Variants in FHIP2A observed in about 807,000 individuals in gnomAD.
FHIP2A encodes family with sequence similarity 160 member B1.
A neutral mutation model predicts 93.5 loss-of-function variants in FHIP2A; 46 were observed. That is an observed-to-expected ratio of 0.49 (90% CI 0.39 to 0.63). The LOEUF (loss-of-function observed/expected upper bound fraction) is 0.63, where lower values mean the gene tolerates loss of function less well. FHIP2A is among the 20% of genes least tolerant of loss of function. FHIP2A has a pLI of 0.00. For missense variants in FHIP2A, 769 were observed against 909.7 expected (o/e 0.85, Z 1.99); for synonymous variants, 332 against 326.5 (o/e 1.02, Z -0.18).
At position 114,861,220 on chromosome 10, in the gene FHIP2A, C is replaced by G. The variant is rs762946677; in HGVS notation, c.2089-11C>G. On this transcript the variant is annotated splice_polypyrimidine_tract_variant and intron_variant, in intron 15 of 16. Coordinates refer to ENST00000369248, the MANE Select transcript of FHIP2A (RefSeq NM_020940.4). Reference sequence around the variant, plus strand: ...TTTCAGGAACTGAAGTGCCTTGCCTCTGTGATGCAGGTTGTTGGAGACCTT... The same window carrying G: ...TTTCAGGAACTGAAGTGCCTTGCCTGTGTGATGCAGGTTGTTGGAGACCTT... The G allele has an allele frequency of 9.3e-6, 15 of 1,613,686 alleles. No homozygotes were observed. The highest frequency in any genetic ancestry group is 1.3e-5 in the Non-Finnish European group (15 of 1,179,916).
chr10:114,849,088 G>T (rs1045112915), intron 13 of FHIP2A, among the ~76,000 whole-genome samples: 3 of 131,740 alleles, frequency 2.3e-5, no homozygotes, highest in Non-Finnish European at 4.6e-5. Context: ...GTTGCAGTGA[G>T]CCAAGATCGT....
intron 7 of FHIP2A, among the ~76,000 whole-genome samples, chr10:114,844,331 C>T (rs1484558488): frequency 6.6e-6 from 1 of 152,172 alleles, no homozygotes; most frequent in Non-Finnish European, 1.5e-5. Context: ...CTCATTCTTT[C>T]ACCTCTTCTT....
In FHIP2A at chr10:114,848,681, T is replaced by A; in HGVS notation, c.1747T>A (p.Ser583Thr). ...TCTGGTACCGGATGACGCAAAATCC[T>A]CCTACCATGTTGAGGGCACAGGATA... The part of the protein sequence containing the change: ...LCLVPDDAKS[S>T]YHVEGTGYDT... The change falls in exon 13 of 17, where the codon TCC becomes ACC. Residue 583 changes from serine to threonine, a missense_variant. Physicochemically the swap from Ser to Thr is moderately conservative, Grantham distance 58. Transcript: ENST00000369248. 1 of 1,608,992 alleles carries A rather than the reference T, an allele frequency of 6.2e-7. No individual in the cohort carries two copies. The highest frequency in any genetic ancestry group is 8.5e-7 in the Non-Finnish European group (1 of 1,177,150).
At chr10:114,829,118 T>C (rs2083593721) in intron 1 of FHIP2A, among the ~76,000 whole-genome samples, 1 of 152,118 alleles carries the variant, frequency 6.6e-6, no homozygotes, top group Admixed American at 6.5e-5. Flanking sequence ...TCTATGAAAA[T>C]GGACTCTGGA....
downstream of FHIP2A, chr10:114,864,820 C>T (rs577070613): frequency 5.7e-6 from 2 of 353,650 alleles, no homozygotes; most frequent in Non-Finnish European, 7.9e-6. Flanking sequence ...AGGGATATGG[C>T]ACCCTACAAT....
intron 16 of FHIP2A, among the ~76,000 whole-genome samples, chr10:114,894,987 TA>T (rs1213668477): frequency 1.3e-5 from 2 of 152,240 alleles, no homozygotes; most frequent in Non-Finnish European, 2.9e-5. Flanking sequence ...GGATACACTG[TA>T]GCCTGCTGTT....
At chr10:114,832,454 A>G (rs954754878) in intron 2 of FHIP2A, among the ~76,000 whole-genome samples, 9 of 152,208 alleles carry the variant, frequency 5.9e-5, no homozygotes, top group Non-Finnish European at 1.3e-4. Context: ...AATCCAAAAC[A>G]GAATCTGTCC....
intron 14 of FHIP2A, among the ~76,000 whole-genome samples, chr10:114,856,521 C>T (rs2083768101): frequency 6.6e-6 from 1 of 152,110 alleles, no homozygotes; most frequent in South Asian, 2.1e-4. Flanking sequence ...TTAAATCAAG[C>T]TTGTTGCTTG....
chr10:114,854,247 C>T (rs1035293413), intron 13 of FHIP2A, among the ~76,000 whole-genome samples: 1 of 151,490 alleles, frequency 6.6e-6, no homozygotes, highest in Non-Finnish European at 1.5e-5. Context: ...AATCCCAGCA[C>T]TTTGGGAGGC....
rs546345975 is a variant in FHIP2A, at chr10:114,846,444, T to G, written c.1398+77T>G. 767 of 1,461,282 alleles carry G rather than the reference T, an allele frequency of 5.2e-4. 2 individuals carry two copies. The highest frequency in any genetic ancestry group is 4.9e-3 in the Middle Eastern group (26 of 5,334). 90.5% of individuals were successfully genotyped at this position (1,461,282 alleles called of 1,614,324 possible). On this transcript the variant is annotated intron_variant, in intron 10 of 16. Coordinates refer to ENST00000369248, the MANE Select transcript of FHIP2A (RefSeq NM_020940.4). ...TTAATGTATTATACTTCAGATATTT[T>G]CAATACAACCTCTTTTATTGGCTTT...
intron 2 of FHIP2A, among the ~76,000 whole-genome samples, chr10:114,831,927 T>C (rs2083610385): frequency 6.6e-6 from 1 of 152,236 alleles, no homozygotes; most frequent in Non-Finnish European, 1.5e-5. Flanking sequence ...GTGACCCTTC[T>C]CTATCCATTG....
At chr10:114,892,873 G>T (rs2083982661) in intron 16 of FHIP2A, among the ~76,000 whole-genome samples, 1 of 152,044 alleles carries the variant, frequency 6.6e-6, no homozygotes, top group African/African-American at 2.4e-5. Flanking sequence ...TGGAAAGGAG[G>T]ACTACCAGAA....
chr10:114,833,208 T>A (rs763120233), intron 2 of FHIP2A, 25 bp from the exon 3 acceptor site: 123 of 1,571,374 alleles, frequency 7.8e-5, no homozygotes, highest in Non-Finnish European at 1.0e-4. Context: ...GTTTAAATAT[T>A]TGATGAATGT....
At chr10:114,838,202 A>C (rs1160016863) in intron 5 of FHIP2A, among the ~76,000 whole-genome samples, 1 of 152,060 alleles carries the variant, frequency 6.6e-6, no homozygotes, top group African/African-American at 2.4e-5. Context: ...TTGTTTTGTT[A>C]TTTTTAAATG....
intron 5 of FHIP2A, among the ~76,000 whole-genome samples, chr10:114,839,196 C>T (rs1054119461): frequency 6.6e-6 from 1 of 152,060 alleles, no homozygotes; most frequent in African/African-American, 2.4e-5. Flanking sequence ...GGTGCAATCT[C>T]GGCTCACTGC....
chr10:114,844,820 C>T (rs556607753), intron 7 of FHIP2A, among the ~76,000 whole-genome samples: 10 of 152,060 alleles, frequency 6.6e-5, no homozygotes, highest in Admixed American at 5.9e-4. Context: ...AGTCTTGCTC[C>T]GTCGCCCAGG....
At chr10:114,885,511 G>A (rs374762917) in intron 16 of FHIP2A, among the ~76,000 whole-genome samples, 103 of 152,242 alleles carry the variant, frequency 6.8e-4, no homozygotes, top group African/African-American at 2.3e-3. Flanking sequence ...TGGACACTTA[G>A]TCAATATTAA....
chr10:114,893,628 G>A (rs539303236), intron 16 of FHIP2A, among the ~76,000 whole-genome samples: 1 of 152,208 alleles, frequency 6.6e-6, no homozygotes, highest in African/African-American at 2.4e-5. Context: ...TACCTGACCA[G>A]CATGGCTCTT....
At chr10:114,852,991 T>C (rs910826525) in intron 13 of FHIP2A, among the ~76,000 whole-genome samples, 1 of 152,230 alleles carries the variant, frequency 6.6e-6, no homozygotes, top group Non-Finnish European at 1.5e-5. Context: ...TCGTGATTTA[T>C]TCTTTTTACC....
Sources: gnomAD v4.1 joint callset for allele counts (sites outside exome capture counted in the v4.1 genomes callset) on GRCh38, gnomAD v4.1.1 for gene constraint, MANE v1.5 for transcripts, NCBI Gene and HGNC (gene_info 2026-07-23, HGNC 2026-07-21) for gene names.